TMPRSS6: variants seen among roughly 807,000 people sequenced by gnomAD.
TMPRSS6 encodes the protein transmembrane protease serine 6.
A neutral mutation model predicts 101.5 loss-of-function variants in TMPRSS6; 67 were observed. The observed-to-expected ratio is 0.66, with a 90% CI of 0.54 to 0.81. The LOEUF (loss-of-function observed/expected upper bound fraction) is 0.81, where lower values mean the gene tolerates loss of function less well. Ranked by LOEUF, TMPRSS6 falls within the 30% of genes least tolerant of loss-of-function variation. The pLI is 0.00. For missense variants in TMPRSS6, 1,034 were observed against 1,088.7 expected, an observed-to-expected ratio of 0.95 and a Z score of 0.71; for synonymous variants, 453 against 464.9, an observed-to-expected ratio of 0.97 and a Z score of 0.33.
intron 1 of TMPRSS6, among the ~76,000 whole-genome samples, chr22:37,108,325 C>T (rs1227464648): frequency 6.6e-6 from 1 of 152,240 alleles, no homozygotes; most frequent in Non-Finnish European, 1.5e-5. Flanking sequence ...GACCTCACCT[C>T]TTCGCAGCTC....
intron 2 of TMPRSS6, among the ~76,000 whole-genome samples, chr22:37,100,159 G>T (rs986149240): frequency 2.0e-5 from 3 of 152,298 alleles, no homozygotes; most frequent in African/African-American, 7.2e-5. Flanking sequence ...TAGAGACAGG[G>T]TTTCTGCATA....
At chr22:37,082,843 C>T in intron 10 of TMPRSS6, 1 of 400,894 alleles carries the variant, frequency 2.5e-6, no homozygotes. Context: ...CTAGATCATG[C>T]CATGAGTATT....
intron 10 of TMPRSS6, among the ~76,000 whole-genome samples, chr22:37,078,973 A>AGAAAGAAAGAAAGAAAGAAAGAAAG (rs1555888509): frequency 5.6e-5 from 6 of 106,510 alleles, no homozygotes; most frequent in Non-Finnish European, 9.7e-5. Flanking sequence ...GAAAGAAAGA[A>AGAAAGAAAGAAAGAAAGAAAGAAAG]AAAGAAAGAA....
chr22:37,086,490 G>A (rs1928794753), intron 7 of TMPRSS6, 71 bp from the exon 8 acceptor site: 2 of 1,514,616 alleles, frequency 1.3e-6, no homozygotes, highest in Admixed American at 2.0e-5. Flanking sequence ...GCGGCAGGCG[G>A]CTGCTGGGGG....
upstream of TMPRSS6, among the ~76,000 whole-genome samples, chr22:37,110,214 G>C (rs1930976485): frequency 6.8e-6 from 1 of 146,758 alleles, no homozygotes; most frequent in African/African-American, 2.5e-5. Context: ...TGTGATTTCG[G>C]CTCACTGCAA....
chr22:37,072,015 G>A (rs1926975011), intron 13 of TMPRSS6, among the ~76,000 whole-genome samples: 2 of 151,346 alleles, frequency 1.3e-5, no homozygotes, highest in South Asian at 4.2e-4. Context: ...ATGGATGGAT[G>A]GATGGCTGAC....
chr22:37,077,289 G>A (rs1456398524), intron 10 of TMPRSS6, among the ~76,000 whole-genome samples: 1 of 152,202 alleles, frequency 6.6e-6, no homozygotes, highest in Non-Finnish European at 1.5e-5. Flanking sequence ...GCTTGCTTGA[G>A]GGGAGGGCTC....
intron 2 of TMPRSS6, among the ~76,000 whole-genome samples, chr22:37,100,553 G>C (rs573111705): frequency 3.3e-5 from 5 of 152,324 alleles, no homozygotes; most frequent in Non-Finnish European, 1.5e-5. Context: ...AAAGAAAGGA[G>C]TAAGGGGAAG....
Position 37,069,354 on chromosome 22 carries a change from G to A in TMPRSS6, c.1842-10C>T. On this transcript the variant is annotated splice_polypyrimidine_tract_variant and intron_variant, in intron 15 of 17. Transcript: ENST00000676104. The surrounding 1 kb of genome is among the most constrained non-coding windows in gnomAD (Gnocchi z 4.8). ...CACCGTGGAGGCCATGCTGGGGTGG[G>A]GTGGGGTGGGGTGGGGTGGGGTGAG... 6.8e-7 allele frequency: 1 copy of A among 1,469,686 alleles called. No individual in the cohort carries two copies. The highest frequency in any genetic ancestry group is 9.2e-7 in the Non-Finnish European group (1 of 1,087,850). 91.0% of individuals were successfully genotyped at this position (1,469,686 alleles called of 1,614,324 possible). A position where few individuals can be genotyped will look rare whatever the true frequency, so the allele number is the denominator to read the frequency against.
intron 6 of TMPRSS6, 93 bp downstream of exon 6, chr22:37,095,458 C>A: frequency 6.6e-7 from 1 of 1,517,348 alleles, no homozygotes; most frequent in Non-Finnish European, 9.1e-7. Context: ...CCTGCACACA[C>A]AACAGAAGCC....
At chr22:37,096,575 G>A in intron 4 of TMPRSS6, 73 bp downstream of exon 4, 3 of 1,481,050 alleles carry the variant, frequency 2.0e-6, no homozygotes, top group Non-Finnish European at 2.8e-6. Context: ...TGCATCAGAA[G>A]CCTACAGAGG....
chr22:37,107,946 T>C (rs1930817155), intron 1 of TMPRSS6, among the ~76,000 whole-genome samples: 1 of 152,222 alleles, frequency 6.6e-6, no homozygotes, highest in Non-Finnish European at 1.5e-5. Context: ...CAGAGTCTGG[T>C]ACTCAGCGGA....
chr22:37,105,887 C>T (rs552331573), intron 1 of TMPRSS6, among the ~76,000 whole-genome samples: 1 of 152,240 alleles, frequency 6.6e-6, no homozygotes, highest in Middle Eastern at 3.4e-3. Flanking sequence ...TGGCCTCAAG[C>T]GATCCCCTCA....
intron 8 of TMPRSS6, among the ~76,000 whole-genome samples, chr22:37,085,285 A>G (rs1219890035): frequency 6.6e-6 from 1 of 151,952 alleles, no homozygotes; most frequent in Non-Finnish European, 1.5e-5. Context: ...TCAGGACAGG[A>G]GCATGCTCAC....
At chr22:37,071,248 G>C (rs1163612219) in intron 13 of TMPRSS6, among the ~76,000 whole-genome samples, 8 of 151,816 alleles carry the variant, frequency 5.3e-5, no homozygotes, top group Non-Finnish European at 4.4e-5. Flanking sequence ...GCACAAAGTG[G>C]TGTCTCCATT....
intron 13 of TMPRSS6, among the ~76,000 whole-genome samples, chr22:37,072,561 ATGGATGGATG>A (rs1927142315): frequency 9.2e-6 from 1 of 109,082 alleles, no homozygotes; most frequent in Non-Finnish European, 2.1e-5. Context: ...TGGATGGATG[ATGGATGGATG>A]GATGGATGAT....
chr22:37,103,497 A>G lies in TMPRSS6; in HGVS notation c.-1-79T>C. The G allele has an allele frequency of 6.2e-7, 1 of 1,614,232 alleles. No individual in the cohort carries two copies. Among genetic ancestry groups the G allele is most frequent in the Non-Finnish European group, 8.5e-7 (1 of 1,180,044 alleles). On this transcript the variant is annotated intron_variant, in intron 1 of 17. Transcript: ENST00000676104. The surrounding 1 kb of genome is among the most constrained non-coding windows in gnomAD (Gnocchi z 4.4). ...TCTGCTGAGCACCGGTGGGGCACGG[A>G]AGCAGGACTTCCCTGCCTTTTGGAG...
intron 6 of TMPRSS6, among the ~76,000 whole-genome samples, chr22:37,090,484 G>A (rs759001881): frequency 6.6e-6 from 1 of 152,184 alleles, no homozygotes; most frequent in Non-Finnish European, 1.5e-5. Context: ...TGCCCTGGGG[G>A]GAGGACATGA....
chr22:37,095,559 G>A lies in TMPRSS6; in HGVS notation c.623C>T (p.Ser208Phe). The change falls in exon 6 of 18, where the codon TCC becomes TTC. Residue 208 changes from serine (S) to phenylalanine (F), a missense_variant. Physicochemically the swap from Ser to Phe is radical, Grantham distance 155. Coordinates refer to ENST00000676104, the MANE Select transcript of TMPRSS6 (RefSeq NM_001374504.1). ...ASVKDIAALN[S>F]TLGCYRYSYV... ...AAAAAAAAATAGCGTACCCAGCGTG[G>A]AATTCAATGCAGCTATGTCTTTCAC... The A allele has an allele frequency of 6.2e-7, 1 of 1,610,700 alleles. No individual in the cohort carries two copies. The highest frequency in any genetic ancestry group is 1.1e-5 in the South Asian group (1 of 90,912).
Sources: allele counts gnomAD v4.1 joint callset (sites outside exome capture counted in the v4.1 genomes callset), GRCh38; gene constraint gnomAD v4.1.1; non-coding constraint Gnocchi (gnomAD v3.1); transcripts MANE v1.5; gene names NCBI Gene and HGNC (gene_info 2026-07-23, HGNC 2026-07-21).